The following CORO7 variants were observed in gnomAD, a reference collection of about 807,000 sequenced individuals.
The protein encoded by CORO7 is coronin 7.
A neutral mutation model predicts 126.6 loss-of-function variants in CORO7; 107 were observed. The observed-to-expected ratio is 0.85, with a 90% CI of 0.72 to 0.99. The LOEUF is 0.99. CORO7 is among the 50% of genes least tolerant of loss of function. The pLI is 0.00. For missense variants in CORO7, 1,314 were observed against 1,255.8 expected (o/e 1.05, Z -0.70); for synonymous variants, 603 against 536.8 (o/e 1.12, Z -1.70).
In CORO7 at chr16:4,359,579, C is replaced by T; in HGVS notation, c.2151G>A (p.Leu717=). The change falls in exon 22 of 28, where the codon CTG becomes CTA. Residue 717 remains leucine (L), a synonymous_variant. Coordinates refer to ENST00000251166, the MANE Select transcript of CORO7 (RefSeq NM_024535.5). The part of the protein sequence containing the change: ...RQLLLYEAEA[L]AGGPLAVLGL... ...CCAACACTGCCAAGGGTCCGCCGGC[C>T]AGGGCCTCAGCTTCATATAGGAGCA... 1 of 1,611,684 alleles carries T rather than the reference C, an allele frequency of 6.2e-7. No homozygotes were observed. Among genetic ancestry groups the T allele is most frequent in the Non-Finnish European group, 8.5e-7 (1 of 1,178,812 alleles).
intron 6 of CORO7, among the ~76,000 whole-genome samples, chr16:4,398,535 G>A (rs867585842): frequency 4.0e-5 from 6 of 151,778 alleles, no homozygotes; most frequent in African/African-American, 1.2e-4. Context: ...GCGTGGTGGC[G>A]TGCACCTGTA....
chr16:4,390,714 A>T (rs922175868), intron 7 of CORO7, among the ~76,000 whole-genome samples: 1 of 152,106 alleles, frequency 6.6e-6, no homozygotes, highest in African/African-American at 2.4e-5. Context: ...TTCCTAATTC[A>T]CATGTGGGAA....
intron 7 of CORO7, 58 bp downstream of exon 7, chr16:4,395,231 C>G (rs1567289539): frequency 6.2e-7 from 1 of 1,612,690 alleles, no homozygotes; most frequent in East Asian, 2.2e-5. Flanking sequence ...GCTAGAACCA[C>G]TGGGTCCTCA....
chr16:4,364,370 C>G lies in CORO7; in HGVS notation c.1181G>C (p.Ser394Thr). 1 of 1,518,788 alleles carries G rather than the reference C, an allele frequency of 6.6e-7. No individual in the cohort carries two copies. Among genetic ancestry groups the G allele is most frequent in the East Asian group, 2.3e-5 (1 of 43,864 alleles). 94.1% of individuals were successfully genotyped at this position (1,518,788 alleles called of 1,614,324 possible). ...AGGGGGCACCAGACAGGAAGTGAAG[C>G]TCGGGTGGGGCCGGCAGGCGGGGTT... Reference protein sequence around the residue: ...SLNPACRPHPSFTSCLVPPAE... With the variant: ...SLNPACRPHPTFTSCLVPPAE... The change falls in exon 14 of 28, where the codon AGC becomes ACC. Residue 394 changes from serine (S) to threonine (T), a missense_variant. Ser to Thr is a moderately conservative substitution (Grantham distance 58). Coordinates refer to ENST00000251166, the MANE Select transcript of CORO7 (RefSeq NM_024535.5).
chr16:4,376,715 C>G (rs2054744753), intron 9 of CORO7, among the ~76,000 whole-genome samples: 2 of 152,132 alleles, frequency 1.3e-5, no homozygotes, highest in Admixed American at 1.3e-4. Context: ...GTGCCTTGTC[C>G]TCCTTACTCA....
intron 6 of CORO7, among the ~76,000 whole-genome samples, chr16:4,399,271 T>A (rs1235139633): frequency 6.6e-6 from 1 of 152,168 alleles, no homozygotes; most frequent in Non-Finnish European, 1.5e-5. Context: ...AAACAAAATG[T>A]GGTCTGCGCA....
chr16:4,361,699 C>T (rs1209889739), intron 16 of CORO7: 8 of 785,728 alleles, frequency 1.0e-5, no homozygotes, highest in South Asian at 7.3e-5. Context: ...GGAAAAGCTC[C>T]GGCTTAGGGC....
chr16:4,375,763 C>A (rs192351749), intron 9 of CORO7, among the ~76,000 whole-genome samples: 8 of 152,332 alleles, frequency 5.3e-5, no homozygotes, highest in Admixed American at 2.0e-4. Flanking sequence ...ACTGGGATTA[C>A]AGGCGTGAGC....
At chr16:4,382,070 C>A (rs368386504) in intron 9 of CORO7, 1 of 1,588,004 alleles carries the variant, frequency 6.3e-7, no homozygotes, top group Non-Finnish European at 8.6e-7. Context: ...ACTGCCCCAC[C>A]GACTGTAGGG....
intron 9 of CORO7, chr16:4,381,143 C>G: frequency 6.2e-7 from 1 of 1,610,420 alleles, no homozygotes; most frequent in Non-Finnish European, 8.5e-7. Context: ...AACCAGATCG[C>G]CAGCCTGCCC....
intron 23 of CORO7, 45 bp downstream of exon 23, chr16:4,359,251 C>T: frequency 1.9e-6 from 3 of 1,539,392 alleles, no homozygotes; most frequent in Non-Finnish European, 2.6e-6. Context: ...GGGGGCAGGG[C>T]AGCCTTGTGG....
rs1260797244 is a variant in CORO7, at chr16:4,362,136, GC to G, written c.1426del (p.Ala476LeufsTer72). On this transcript the variant is annotated frameshift_variant, in exon 16 of 28. Transcript: ENST00000251166. LOFTEE classifies it high-confidence loss of function. This position sits in a 1 kb window ranked among gnomAD's most constrained non-coding sequence, Gnocchi z 5.3. Reference protein sequence around the residue: ...LLGPSSKFRHAQGTVLHRDSH... With the variant: ...LLGPSSKFRHXQGTVLHRDSH... The stretch of plus-strand genomic sequence containing the variant: ...GTCTCGGTGCAGGACAGTGCCCTGA[GC>G]ATGGCGGAACTTGGAACTGGGGCCT... The G allele has an allele frequency of 6.2e-7, 1 of 1,609,406 alleles. No individual in the cohort carries two copies. Among genetic ancestry groups the G allele is most frequent in the East Asian group, 2.2e-5 (1 of 44,836 alleles).
chr16:4,373,294 G>C (rs1214092138), intron 9 of CORO7, among the ~76,000 whole-genome samples: 1 of 152,100 alleles, frequency 6.6e-6, no homozygotes, highest in African/African-American at 2.4e-5. Context: ...AGCCTCCCCT[G>C]GGCCTGGGGA....
intron 25 of CORO7, chr16:4,357,744 A>G (rs2054024303): frequency 2.9e-6 from 2 of 694,854 alleles, no homozygotes; most frequent in African/African-American, 1.9e-5. Flanking sequence ...TAGACACCAC[A>G]GTGTGTGCGT....
chr16:4,355,384 G>A lies in CORO7; in HGVS notation c.2686-12C>T, dbSNP rs1402008734. 2.5e-6 allele frequency: 4 copies of A among 1,605,138 alleles called. No individual in the cohort carries two copies. Among genetic ancestry groups the A allele is most frequent in the Admixed American group, 1.7e-5 (1 of 59,674 alleles). On this transcript the variant is annotated splice_polypyrimidine_tract_variant and intron_variant, in intron 26 of 27. Coordinates refer to ENST00000251166, the MANE Select transcript of CORO7 (RefSeq NM_024535.5). ...ATGGCATTCAGCAGCTGGGAGAGAGGGCAGAAGAAGGGTAGGTAAGGGAAT... is the reference window on the plus strand; with the variant it reads ...ATGGCATTCAGCAGCTGGGAGAGAGAGCAGAAGAAGGGTAGGTAAGGGAAT...
chr16:4,365,600 C>T (rs369899396), intron 9 of CORO7, 55 bp from the exon 10 acceptor site: 20 of 1,550,736 alleles, frequency 1.3e-5, no homozygotes, highest in Middle Eastern at 1.7e-4. Flanking sequence ...CTGCCAGACT[C>T]GTAACCCCAT....
chr16:4,409,864 G>A (rs935907973), intron 3 of CORO7, among the ~76,000 whole-genome samples: 5 of 152,198 alleles, frequency 3.3e-5, no homozygotes, highest in African/African-American at 1.2e-4. Context: ...CATTTCTCCC[G>A]ACACCGGCAC....
At chr16:4,384,773 G>A (rs938588436) in intron 9 of CORO7, among the ~76,000 whole-genome samples, 1 of 152,208 alleles carries the variant, frequency 6.6e-6, no homozygotes, top group Non-Finnish European at 1.5e-5. Context: ...CTGAGGCAGC[G>A]GCGGCAGCCC....
intron 1 of CORO7, chr16:4,415,870 C>G (rs780375657): frequency 1.5e-4 from 150 of 985,518 alleles, no homozygotes; most frequent in Non-Finnish European, 1.8e-4. Flanking sequence ...AGGCCCCACC[C>G]AGCCGTGGCA....
Sources: gnomAD v4.1 joint callset for allele counts (sites outside exome capture counted in the v4.1 genomes callset) on GRCh38, gnomAD v4.1.1 for gene constraint, Gnocchi (gnomAD v3.1) non-coding constraint, MANE v1.5 for transcripts, NCBI Gene and HGNC (gene_info 2026-07-23, HGNC 2026-07-21) for gene names.